The following DNAH9 variants were observed in gnomAD, a reference collection of about 807,000 sequenced individuals.
The protein encoded by DNAH9 is dynein axonemal heavy chain 9, also known as DNAH9 variant protein.
A neutral mutation model predicts 471.6 loss-of-function variants in DNAH9; 345 were observed. The observed-to-expected ratio is 0.73, with a 90% CI of 0.67 to 0.80. DNAH9 has a LOEUF of 0.80. Among genes scored for constraint, DNAH9 ranks in the 30% least tolerant of loss-of-function variants. The pLI is 0.00. For synonymous variants in DNAH9, 2,093 were observed against 2,123.6 expected (o/e 0.99, Z 0.40); for missense variants, 5,407 against 5,609.2 (o/e 0.96, Z 1.15).
At chr17:11,658,174 G>T (rs576645688) in intron 14 of DNAH9, among the ~76,000 whole-genome samples, 1 of 152,082 alleles carries the variant, frequency 6.6e-6, no homozygotes, top group South Asian at 2.1e-4. Flanking sequence ...TCTTCACTTA[G>T]TTAAGTCTCT....
At chr17:11,684,914 A>G (rs1471230635) in intron 19 of DNAH9, among the ~76,000 whole-genome samples, 1 of 152,220 alleles carries the variant, frequency 6.6e-6, no homozygotes, top group Non-Finnish European at 1.5e-5. Flanking sequence ...CCAGAGACAT[A>G]TCGGTTTCCT....
chr17:11,627,110 G>C (rs560544206), intron 6 of DNAH9, among the ~76,000 whole-genome samples: 2 of 152,294 alleles, frequency 1.3e-5, no homozygotes, highest in East Asian at 3.9e-4. Context: ...TCTTTCCACA[G>C]AAGGGTGAGG....
At chr17:11,725,042 C>T (rs753446802) in intron 27 of DNAH9, among the ~76,000 whole-genome samples, 1 of 152,192 alleles carries the variant, frequency 6.6e-6, no homozygotes, top group South Asian at 2.1e-4. Flanking sequence ...GGTTCATGCT[C>T]TCATGAGAAT....
At chr17:11,792,494 A>T (rs1406615902) in intron 41 of DNAH9, among the ~76,000 whole-genome samples, 1 of 152,248 alleles carries the variant, frequency 6.6e-6, no homozygotes, top group Non-Finnish European at 1.5e-5. Flanking sequence ...GGGCTCTAAC[A>T]TTGGTGGTCT....
chr17:11,787,010 G>T (rs966451901), intron 41 of DNAH9, among the ~76,000 whole-genome samples: 15 of 152,134 alleles, frequency 9.9e-5, no homozygotes, highest in Admixed American at 9.2e-4. Context: ...AGAGTTTCAG[G>T]CTCATAGCTT....
intron 48 of DNAH9, among the ~76,000 whole-genome samples, chr17:11,828,309 AC>A (rs1337726417): frequency 6.6e-6 from 1 of 151,958 alleles, no homozygotes; most frequent in Admixed American, 6.6e-5. Context: ...CCTTGTCTCC[AC>A]AAAAATATAA....
chr17:11,598,608 G>A lies in DNAH9; in HGVS notation c.110G>A (p.Arg37Gln). The A allele has an allele frequency of 7.4e-7, 1 of 1,347,628 alleles. No homozygotes were observed. The highest frequency in any genetic ancestry group is 9.5e-7 in the Non-Finnish European group (1 of 1,054,522). The allele number at this position is 1,347,628 out of a possible 1,614,324, so 83.5% of individuals were successfully genotyped here. A position where few individuals can be genotyped will look rare whatever the true frequency, so the allele number is the denominator to read the frequency against. The change falls in exon 1 of 69, where the codon CGG becomes CAG. Residue 37 changes from arginine (R) to glutamine (Q), a missense_variant. This residue lies in a region of DNAH9 where 767 missense variants were observed against 692.5 expected (regional missense o/e 1.11). Coordinates refer to ENST00000262442, the MANE Select transcript of DNAH9 (RefSeq NM_001372.4). ...GGGACCTACGTGGCCATGAGCCTGC[G>A]GCCGGCTGCGGGCGCCTGGGAGCGT... ...LLGTYVAMSL[R>Q]PAAGAWERCA...
intron 68 of DNAH9, among the ~76,000 whole-genome samples, chr17:11,966,759 T>C (rs1248933480): frequency 6.6e-6 from 1 of 152,106 alleles, no homozygotes; most frequent in East Asian, 1.9e-4. Flanking sequence ...TTGTATACCA[T>C]TGAAAGTAAG....
chr17:11,793,593 A>G lies in DNAH9; in HGVS notation c.8152A>G (p.Lys2718Glu). Residue 2718 changes from lysine to glutamate, a missense_variant, in exon 42 of 69, where the codon AAG becomes GAG. By Grantham distance (56) the Lys-to-Glu change is moderately conservative. Transcript: ENST00000262442. ...TGAATCAAATCGAGTTTATCGGGAT[A>G]AGATGGTAGAAGAAAAGGACTTTGA... ...LHESNRVYRD[K>E]MVEEKDFDLF... 6.2e-7 allele frequency: 1 copy of G among 1,614,028 alleles called. No individual in the cohort carries two copies. Among genetic ancestry groups the G allele is most frequent in the Non-Finnish European group, 8.5e-7 (1 of 1,179,904 alleles).
rs545040864 is a variant in DNAH9 at position 11,632,654 on chromosome 17, T to G, written c.1586T>G (p.Ile529Ser). 300 of 1,612,216 alleles carry G rather than the reference T, an allele frequency of 1.9e-4. 2 individuals are homozygous for G. The South Asian group carries it at 3.1e-3, about 17-fold the overall frequency. The change falls in exon 8 of 69, where the codon ATC becomes AGC. Residue 529 changes from isoleucine to serine, a missense_variant. By Grantham distance (142) the Ile-to-Ser change is moderately radical. Coordinates refer to ENST00000262442, the MANE Select transcript of DNAH9 (RefSeq NM_001372.4). The part of the protein sequence containing the change: ...VEDLDRRLGT[I>S]FIQAFDDAPG... ...GATCTTGACCGAAGATTGGGGACTA[T>G]CTTTATTCAAGCTTTTGATGATGCA...
intron 49 of DNAH9, among the ~76,000 whole-genome samples, chr17:11,844,998 T>A (rs1971166597): frequency 6.6e-6 from 1 of 150,934 alleles, no homozygotes; most frequent in Non-Finnish European, 1.5e-5. Context: ...TTTTTTACCA[T>A]CTTTTTTTTT....
rs147944216 is a variant in DNAH9 at position 11,613,227 on chromosome 17, T to G, written c.904+1447T>G. The stretch of plus-strand genomic sequence containing the variant: ...ATTCTGTGTTCCCGAGGAATCAGCT[T>G]TTGTTCCCAGTTTACACTTCCAGGA... On this transcript the variant is annotated intron_variant, in intron 4 of 68. Coordinates refer to ENST00000262442, the MANE Select transcript of DNAH9 (RefSeq NM_001372.4). Among the ~76,000 whole-genome samples, 692 of 152,236 alleles carry G rather than the reference T, an allele frequency of 4.5e-3. 3 individuals are homozygous for G. Among genetic ancestry groups the G allele is most frequent in the African/African-American group, 0.016 (653 of 41,552 alleles).
In DNAH9 at chr17:11,603,766, T is replaced by C. The variant is rs2072436987; in HGVS notation, c.418-4363T>C. Among the ~76,000 whole-genome samples, 18 of 152,282 alleles carry C rather than the reference T, an allele frequency of 1.2e-4. No homozygotes were observed. The South Asian group carries it at 3.5e-3, about 30-fold the overall frequency. On this transcript the variant is annotated intron_variant, in intron 1 of 68. Transcript: ENST00000262442. ...TTTTCCTGTTTTATCTCATCATCAC[T>C]CATCAGGCTTTGACTTTCTCACTTC...
intron 14 of DNAH9, among the ~76,000 whole-genome samples, chr17:11,664,338 C>T (rs1452910646): frequency 6.6e-6 from 1 of 152,054 alleles, no homozygotes; most frequent in Non-Finnish European, 1.5e-5. Flanking sequence ...TGTGCATTTT[C>T]TAAATCACTC....
In DNAH9 at chr17:11,694,302, C is replaced by T; in HGVS notation, c.4746-19C>T. On this transcript the variant is annotated intron_variant, in intron 21 of 68. Coordinates refer to ENST00000262442, the MANE Select transcript of DNAH9 (RefSeq NM_001372.4). Reference sequence around the variant, plus strand: ...TCTAGACATTCTTAACTGGGAAATTCTATGTTCTGTGCCCTCAGATTGTGC... The same window carrying T: ...TCTAGACATTCTTAACTGGGAAATTTTATGTTCTGTGCCCTCAGATTGTGC... 6.2e-7 allele frequency: 1 copy of T among 1,613,346 alleles called. No homozygotes were observed. The highest frequency in any genetic ancestry group is 1.1e-5 in the South Asian group (1 of 90,996).
intron 27 of DNAH9, among the ~76,000 whole-genome samples, chr17:11,723,707 C>G (rs1385938130): frequency 6.6e-6 from 1 of 151,666 alleles, no homozygotes; most frequent in Non-Finnish European, 1.5e-5. Context: ...TCGCTCTGTC[C>G]CCTAGGCTGG....
intron 28 of DNAH9, among the ~76,000 whole-genome samples, chr17:11,731,043 G>A (rs2075256065): frequency 6.7e-6 from 1 of 149,376 alleles, no homozygotes. Context: ...TGGTGTCAGT[G>A]ATGATGGTGA....
At chr17:11,647,940 G>A (rs1261701361) in intron 12 of DNAH9, among the ~76,000 whole-genome samples, 2 of 152,172 alleles carry the variant, frequency 1.3e-5, no homozygotes, top group Non-Finnish European at 2.9e-5. Context: ...GCAATGCACA[G>A]GACTGTGTAC....
chr17:11,959,293 G>T (rs556962613), intron 67 of DNAH9, among the ~76,000 whole-genome samples: 1 of 152,108 alleles, frequency 6.6e-6, no homozygotes, highest in Non-Finnish European at 1.5e-5. Flanking sequence ...TACACAGATG[G>T]GGTCTCATAA....
Sources: allele counts gnomAD v4.1 joint callset (sites outside exome capture counted in the v4.1 genomes callset), GRCh38; gene constraint gnomAD v4.1.1; regional missense constraint gnomAD v4.1.1; transcripts MANE v1.5; gene names NCBI Gene and HGNC (gene_info 2026-07-23, HGNC 2026-07-21).